Variants in KSR1 observed in about 807,000 individuals in gnomAD.
KSR1 encodes kinase suppressor of ras 1, also known as kinase suppressor of ras.
In KSR1, 35 loss-of-function variants were observed where a neutral mutation model predicts 92.9. The observed-to-expected ratio is 0.38, with a 90% CI of 0.29 to 0.50. KSR1 has a LOEUF of 0.50. Ranked by LOEUF, KSR1 falls within the 20% of genes least tolerant of loss-of-function variation. KSR1 has a pLI of 0.94. For synonymous variants in KSR1, 467 were observed against 472.6 expected (o/e 0.99, Z 0.15); for missense variants, 972 against 1,158.5 (o/e 0.84, Z 2.34).
chr17:27,597,454 T>G lies in KSR1; in HGVS notation c.1468+18T>G, dbSNP rs1447468038. The G allele has an allele frequency of 8.2e-6, 13 of 1,587,430 alleles. No homozygotes were observed. The highest frequency in any genetic ancestry group is 1.1e-5 in the Non-Finnish European group (13 of 1,164,904). ...CTTCCCAGGTACCACATCTCCAGGCTTTTCTGGGTTCTAAGGGATACAGTC... is the reference window on the plus strand; with the variant it reads ...CTTCCCAGGTACCACATCTCCAGGCGTTTCTGGGTTCTAAGGGATACAGTC... On this transcript the variant is annotated intron_variant, in intron 10 of 20. Transcript: ENST00000644974.
intron 1 of KSR1, among the ~76,000 whole-genome samples, chr17:27,496,984 G>A (rs187617387): frequency 4.8e-4 from 73 of 152,296 alleles, no homozygotes; most frequent in African/African-American, 1.5e-3. Flanking sequence ...TTCTTTTTGC[G>A]TAAGCAGAAA....
At chr17:27,519,041 G>C (rs111587484) in intron 1 of KSR1, among the ~76,000 whole-genome samples, 87 of 152,274 alleles carry the variant, frequency 5.7e-4, no homozygotes, top group African/African-American at 2.1e-3. Flanking sequence ...AGGCTTGCTT[G>C]ATCCTGAAGC....
intron 7 of KSR1, 90 bp downstream of exon 7, chr17:27,590,984 T>C: frequency 9.1e-7 from 1 of 1,092,966 alleles, no homozygotes; most frequent in Non-Finnish European, 1.4e-6. Flanking sequence ...TTCATAGTCC[T>C]ATTCAGCACA....
intron 3 of KSR1, among the ~76,000 whole-genome samples, chr17:27,581,884 G>C (rs767310365): frequency 2.0e-4 from 30 of 152,198 alleles, no homozygotes; most frequent in Non-Finnish European, 3.4e-4. Context: ...TCACTCGAAG[G>C]CTGGTGTAGA....
intron 2 of KSR1, chr17:27,560,243 G>A (rs887640794): frequency 2.7e-6 from 1 of 366,712 alleles, no homozygotes; most frequent in Non-Finnish European, 5.3e-6. Context: ...CTGGGGAAAT[G>A]ATTTCAGAGC....
chr17:27,531,463 G>C lies in KSR1; in HGVS notation c.232-19105G>C, dbSNP rs775939255. Among the ~76,000 whole-genome samples, 33 of 152,344 alleles carry C rather than the reference G, an allele frequency of 2.2e-4. 1 individual carries two copies. In the South Asian group the frequency reaches 2.5e-3, roughly 11 times the overall value. ...GGTCACATGTTGCAGGTCTCTGGAG[G>C]GGGTGTAGTGAATACCTGAGTCCAT... On this transcript the variant is annotated intron_variant, in intron 1 of 20. Transcript: ENST00000644974.
intron 1 of KSR1, among the ~76,000 whole-genome samples, chr17:27,457,838 C>A (rs2019251301): frequency 6.6e-6 from 1 of 152,096 alleles, no homozygotes; most frequent in Non-Finnish European, 1.5e-5. Context: ...CTTGCCCTGC[C>A]ACATCTGGCC....
At position 27,577,021 on chromosome 17, in the gene KSR1, C is replaced by T. The variant is rs2072533659; in HGVS notation, c.373-471C>T. Reference sequence around the variant, plus strand: ...AGAAATCAGGTGAGGCAGTAAGTGCCTCTGCAGTGTTTGGTGAGGTTTTTT... The same window carrying T: ...AGAAATCAGGTGAGGCAGTAAGTGCTTCTGCAGTGTTTGGTGAGGTTTTTT... On this transcript the variant is annotated intron_variant, in intron 2 of 20. Coordinates refer to ENST00000644974, the MANE Select transcript of KSR1 (RefSeq NM_001394583.1). The surrounding 1 kb of genome is among the most constrained non-coding windows in gnomAD (Gnocchi z 4.5). Among the ~76,000 whole-genome samples the T allele has an allele frequency of 6.6e-6, 1 of 151,202 alleles. No homozygotes were observed. The highest frequency in any genetic ancestry group is 6.6e-5 in the Admixed American group (1 of 15,146).
chr17:27,601,858 T>C (rs1309241184), intron 11 of KSR1: 14 of 1,554,516 alleles, frequency 9.0e-6, no homozygotes, highest in African/African-American at 1.4e-5. Context: ...GGGCTTCTCT[T>C]AGTGGGCTTC....
At chr17:27,591,524 C>T (rs2073166341) in intron 7 of KSR1, among the ~76,000 whole-genome samples, 3 of 152,186 alleles carry the variant, frequency 2.0e-5, no homozygotes, top group African/African-American at 7.2e-5. Context: ...TTAATGTATA[C>T]ATCAACCATG....
At chr17:27,512,820 AATATT>A (rs2069649559) in intron 1 of KSR1, among the ~76,000 whole-genome samples, 1 of 152,170 alleles carries the variant, frequency 6.6e-6, no homozygotes, top group African/African-American at 2.4e-5. Flanking sequence ...TATATTGTAA[AATATT>A]ATACAGACTC....
chr17:27,611,750 C>A, intron 18 of KSR1, 121 bp downstream of exon 18: 1 of 1,128,400 alleles, frequency 8.9e-7, no homozygotes, highest in Non-Finnish European at 1.3e-6. Flanking sequence ...GCCACCTGCA[C>A]GTGTCTAGCT....
chr17:27,472,319 C>T (rs1164704862), intron 1 of KSR1, among the ~76,000 whole-genome samples: 1 of 152,202 alleles, frequency 6.6e-6, no homozygotes, highest in Non-Finnish European at 1.5e-5. Flanking sequence ...CTAGAGTGTA[C>T]TCACATAGCG....
chr17:27,519,189 C>T (rs1441805329), intron 1 of KSR1, among the ~76,000 whole-genome samples: 1 of 152,132 alleles, frequency 6.6e-6, no homozygotes, highest in Non-Finnish European at 1.5e-5. Context: ...GTGGTCAGCG[C>T]CTGGAAGCCC....
In KSR1 at chr17:27,582,900, C is replaced by T. The variant is rs765548761; in HGVS notation, c.775C>T (p.Arg259Trp). The change falls in exon 4 of 21, where the codon CGG becomes TGG. Residue 259 changes from arginine (R) to tryptophan (W), a missense_variant. This residue lies in a region of KSR1 where 611 missense variants were observed against 668.0 expected (regional missense o/e 0.91). Transcript: ENST00000644974. Reference protein sequence around the residue: ...DTCIPLHASGRLTPRALHSFI... With the variant: ...DTCIPLHASGWLTPRALHSFI... Reference sequence around the variant, plus strand: ...CTGTATTCCCCTGCACGCCAGCGGCCGGCTGACCCCCCGTGCCCTGCACAG... The same window carrying T: ...CTGTATTCCCCTGCACGCCAGCGGCTGGCTGACCCCCCGTGCCCTGCACAG... 5.0e-6 allele frequency: 8 copies of T among 1,612,504 alleles called. No individual in the cohort carries two copies. The Admixed American group carries it at 6.7e-5, about 13-fold the overall frequency.
chr17:27,600,221 G>A (rs1371002299), intron 10 of KSR1, among the ~76,000 whole-genome samples: 1 of 150,848 alleles, frequency 6.6e-6, no homozygotes, highest in Non-Finnish European at 1.5e-5. Context: ...GATCACCTGA[G>A]ATCAGGAGTT....
chr17:27,606,779 A>G (rs2073767075), intron 14 of KSR1, among the ~76,000 whole-genome samples: 1 of 151,108 alleles, frequency 6.6e-6, no homozygotes, highest in South Asian at 2.1e-4. Context: ...TTTACAGAAC[A>G]AGACTCCATC....
intron 2 of KSR1, among the ~76,000 whole-genome samples, chr17:27,573,650 C>T (rs988894047): frequency 2.0e-5 from 3 of 152,162 alleles, no homozygotes; most frequent in Non-Finnish European, 2.9e-5. Flanking sequence ...AATAATTTCC[C>T]CTGAAAGGTA....
At chr17:27,590,992 A>T in intron 7 of KSR1, 98 bp downstream of exon 7, 1 of 1,040,034 alleles carries the variant, frequency 9.6e-7, no homozygotes, top group East Asian at 2.6e-5. Flanking sequence ...CCTATTCAGC[A>T]CACCAGGGAG....
Sources: gnomAD v4.1 joint callset for allele counts (sites outside exome capture counted in the v4.1 genomes callset) on GRCh38, gnomAD v4.1.1 for gene constraint, gnomAD v4.1.1 regional missense constraint, Gnocchi (gnomAD v3.1) non-coding constraint, MANE v1.5 for transcripts, NCBI Gene and HGNC (gene_info 2026-07-23, HGNC 2026-07-21) for gene names.